The following C17orf99 variants were observed in gnomAD, a reference collection of about 807,000 sequenced individuals.
C17orf99 encodes chromosome 17 open reading frame 99, also known as protein IL-40.
C17orf99 carries 18 observed loss-of-function variants against 22.6 expected under a neutral mutation model. That is an observed-to-expected ratio of 0.80 (90% confidence interval 0.55 to 1.18). The LOEUF (loss-of-function observed/expected upper bound fraction) is 1.18. C17orf99 is among the 50% of genes most tolerant of loss of function. The pLI is 0.00. For synonymous variants in C17orf99, 147 were observed against 136.6 expected (o/e 1.08, Z -0.53); for missense variants, 328 against 342.7 (o/e 0.96, Z 0.34).
At chr17:78,163,703 AAAAAATAC>A (rs1231533298) in intron 3 of C17orf99, among the ~76,000 whole-genome samples, 1 of 152,036 alleles carries the variant, frequency 6.6e-6, no homozygotes, top group Non-Finnish European at 1.5e-5. Flanking sequence ...CCATCTCTGC[AAAAAATAC>A]AAAAATTAGC....
At chr17:78,163,823 G>A (rs1351814397) in intron 3 of C17orf99, among the ~76,000 whole-genome samples, 27 of 152,216 alleles carry the variant, frequency 1.8e-4, no homozygotes, top group Non-Finnish European at 2.5e-4. Flanking sequence ...CCTAGATCGC[G>A]CCATTGCACT....
intron 2 of C17orf99, among the ~76,000 whole-genome samples, chr17:78,149,991 G>C (rs1413976816): frequency 1.3e-5 from 2 of 150,922 alleles, no homozygotes; most frequent in East Asian, 3.9e-4. Context: ...TTACAGGCGA[G>C]AGCCACCACG....
intron 2 of C17orf99, among the ~76,000 whole-genome samples, chr17:78,159,815 C>T (rs2075558951): frequency 6.6e-6 from 1 of 152,182 alleles, no homozygotes; most frequent in Admixed American, 6.5e-5. Context: ...CACATGGAAT[C>T]ATGCAACCGT....
intron 2 of C17orf99, among the ~76,000 whole-genome samples, chr17:78,151,488 A>G (rs2075483233): frequency 6.6e-6 from 1 of 151,898 alleles, no homozygotes; most frequent in Non-Finnish European, 1.5e-5. Context: ...CCAACAAGGA[A>G]GGAAACACAT....
At position 78,146,538 on chromosome 17, in the gene C17orf99, C is replaced by T. The variant is rs2075438689; in HGVS notation, c.37+94C>T. On this transcript the variant is annotated intron_variant, in intron 1 of 4. Transcript: ENST00000340363. This position sits in a 1 kb window ranked among gnomAD's most constrained non-coding sequence, Gnocchi z 5.2. Reference sequence around the variant, plus strand: ...TACTGGGAGCACAGGAGAGATGAGGCCTGAAGGAAGGGCACCTCTGGAAAC... The same window carrying T: ...TACTGGGAGCACAGGAGAGATGAGGTCTGAAGGAAGGGCACCTCTGGAAAC... 1.5e-5 allele frequency: 17 copies of T among 1,169,536 alleles called. No homozygotes were observed. In the South Asian group the frequency reaches 2.0e-4, roughly 14 times the overall value. The allele number at this position is 1,169,536 out of a possible 1,614,324, so 72.4% of individuals were successfully genotyped here.
chr17:78,166,013 G>A lies in C17orf99; in HGVS notation c.765G>A (p.Gly255=), dbSNP rs770915682. ...TTGGGGGGTTCAGGATAGGGAATGG[G>A]GAGGTCAGAGGACGCAAAGCAGCAG... ...EEFGGFRIGN[G]EVRGRKAAAM Residue 255 remains glycine (G), a synonymous_variant, in exon 5 of 5, where the codon GGG becomes GGA. Transcript: ENST00000340363. The A allele has an allele frequency of 4.2e-6, 6 of 1,445,614 alleles. No individual in the cohort carries two copies. The highest frequency in any genetic ancestry group is 2.3e-5 in the Admixed American group (1 of 42,958). The allele number at this position is 1,445,614 out of a possible 1,614,324, so 89.5% of individuals were successfully genotyped here. A position where few individuals can be genotyped will look rare whatever the true frequency, so the allele number is the denominator to read the frequency against.
At chr17:78,161,699 C>T (rs553703908) in intron 3 of C17orf99, among the ~76,000 whole-genome samples, 1 of 152,128 alleles carries the variant, frequency 6.6e-6, no homozygotes, top group East Asian at 1.9e-4. Flanking sequence ...CAAAGATTAG[C>T]TGGGCGTGGC....
In C17orf99 at chr17:78,161,013, C is replaced by T. The variant is rs1336004690; in HGVS notation, c.129C>T (p.Arg43=). The T allele has an allele frequency of 6.4e-7, 1 of 1,551,562 alleles. No homozygotes were observed. Among genetic ancestry groups the T allele is most frequent in the Non-Finnish European group, 8.7e-7 (1 of 1,146,980 alleles). Reference sequence around the variant, plus strand: ...TCCTGGAAGTTTTCCCCAAAGGCCGCTGGGTGCTCATAACCTGCTGTGCAC... The same window carrying T: ...TCCTGGAAGTTTTCCCCAAAGGCCGTTGGGTGCTCATAACCTGCTGTGCAC... ...YKVLEVFPKG[R]WVLITCCAPQ... Residue 43 remains arginine, a synonymous_variant, in exon 3 of 5, where the codon CGC becomes CGT. Coordinates refer to ENST00000340363, the MANE Select transcript of C17orf99 (RefSeq NM_001163075.2).
At position 78,161,251 on chromosome 17, in the gene C17orf99, T is replaced by G; in HGVS notation, c.367T>G (p.Ser123Ala). Residue 123 changes from serine (S) to alanine (A), a missense_variant, in exon 3 of 5, where the codon TCC becomes GCC. Ser to Ala is a moderately conservative substitution (Grantham distance 99, BLOSUM62 1). Coordinates refer to ENST00000340363, the MANE Select transcript of C17orf99 (RefSeq NM_001163075.2). ...GCTACAGATGCACTGGGAGCTGTGG[T>G]CCAGTGAGTGCGGTGGGGGGCACAG... is the stretch of plus-strand genomic sequence containing the variant. ...ARLQMHWELW[S>A]KPVSELRANF... 1 of 1,551,268 alleles carries G rather than the reference T, an allele frequency of 6.4e-7. No homozygotes were observed. The highest frequency in any genetic ancestry group is 8.7e-7 in the Non-Finnish European group (1 of 1,146,586).
In C17orf99 at chr17:78,157,876, T is replaced by A. The variant is rs549953385; in HGVS notation, c.71-3079T>A. On this transcript the variant is annotated intron_variant, in intron 2 of 4. Coordinates refer to ENST00000340363, the MANE Select transcript of C17orf99 (RefSeq NM_001163075.2). The stretch of plus-strand genomic sequence containing the variant: ...GGCCACGTAAGATCGTCGAGATGTC[T>A]ACTTCGATGACTGGCAAGCACGGCC... 1.3e-4 allele frequency: 141 copies of A among 1,095,674 alleles called. No individual in the cohort carries two copies. The African/African-American group carries it at 1.7e-3, about 13-fold the overall frequency. The allele number at this position is 1,095,674 out of a possible 1,614,324, so 67.9% of individuals were successfully genotyped here.
chr17:78,160,226 A>G (rs184337316), intron 2 of C17orf99: 121 of 432,056 alleles, frequency 2.8e-4, no homozygotes, highest in African/African-American at 2.2e-3. Context: ...TCAGGGGTAC[A>G]TGTGCAGGTT....
chr17:78,146,994 C>G lies in C17orf99; in HGVS notation c.70+83C>G. 8.0e-7 allele frequency: 1 copy of G among 1,251,674 alleles called. No homozygotes were observed. The highest frequency in any genetic ancestry group is 1.1e-6 in the Non-Finnish European group (1 of 874,556). The allele number at this position is 1,251,674 out of a possible 1,614,324, so 77.5% of individuals were successfully genotyped here. On this transcript the variant is annotated intron_variant, in intron 2 of 4. Transcript: ENST00000340363. The surrounding 1 kb of genome is among the most constrained non-coding windows in gnomAD (Gnocchi z 5.2). ...ACCCCCATGGTGGAGGGCGCCTCGG[C>G]TGGGAAGGGAGTTACTAGTGGGGAG...
intron 3 of C17orf99, among the ~76,000 whole-genome samples, chr17:78,163,431 A>C (rs897345085): frequency 2.6e-5 from 4 of 152,252 alleles, no homozygotes; most frequent in African/African-American, 9.6e-5. Context: ...TTCAGTAAAA[A>C]AGACGAGACT....
chr17:78,164,309 C>T lies in C17orf99; in HGVS notation c.585C>T (p.Cys195=). 3 of 1,551,592 alleles carry T rather than the reference C, an allele frequency of 1.9e-6. No individual in the cohort carries two copies. The highest frequency in any genetic ancestry group is 2.6e-6 in the Non-Finnish European group (3 of 1,146,998). Reference sequence around the variant, plus strand: ...GCCAGACATCGGACTGGTTCTGGTGCCAGGCTGCAAACAACGCCAATGTCC... The same window carrying T: ...GCCAGACATCGGACTGGTTCTGGTGTCAGGCTGCAAACAACGCCAATGTCC... The part of the protein sequence containing the change: ...LPSQTSDWFW[C]QAANNANVQH... The change falls in exon 4 of 5, where the codon TGC becomes TGT. Residue 195 remains cysteine (C), a synonymous_variant. Transcript: ENST00000340363.
At chr17:78,155,394 G>A (rs974823275) in intron 2 of C17orf99, among the ~76,000 whole-genome samples, 4 of 152,040 alleles carry the variant, frequency 2.6e-5, no homozygotes, top group East Asian at 1.9e-4. Flanking sequence ...AATTCATGAC[G>A]TCGATGATAT....
intron 2 of C17orf99, among the ~76,000 whole-genome samples, chr17:78,149,939 G>A (rs535113848): frequency 4.0e-5 from 6 of 151,850 alleles, no homozygotes; most frequent in African/African-American, 7.3e-5. Flanking sequence ...TTGATCGCTT[G>A]ACCTCGTGAT....
intron 2 of C17orf99, 40 bp from the exon 3 acceptor site, chr17:78,160,915 T>G (rs1399489925): frequency 2.7e-6 from 4 of 1,499,048 alleles, no homozygotes; most frequent in Non-Finnish European, 3.6e-6. Context: ...TTGATCAATG[T>G]CGGTTTCTTT....
chr17:78,146,657 T>C lies in C17orf99; in HGVS notation c.37+213T>C, dbSNP rs972406773. On this transcript the variant is annotated intron_variant, in intron 1 of 4. Transcript: ENST00000340363. The surrounding 1 kb of genome is among the most constrained non-coding windows in gnomAD (Gnocchi z 5.2). The stretch of plus-strand genomic sequence containing the variant: ...CAGGGATTTCTGCACCATTCTGGGC[T>C]CACTACTTACCCATCTGCGAAATGG... 6.6e-6 allele frequency among the ~76,000 whole-genome samples: 1 copy of C among 152,068 alleles called. No homozygotes were observed. Among genetic ancestry groups the C allele is most frequent in the Admixed American group, 6.5e-5 (1 of 15,272 alleles).
chr17:78,155,121 C>T lies in C17orf99; in HGVS notation c.71-5834C>T, dbSNP rs574974318. Among the ~76,000 whole-genome samples the T allele has an allele frequency of 4.9e-4, 63 of 129,616 alleles. 3 individuals are homozygous for T. The South Asian group carries it at 0.016, about 33-fold the overall frequency. 85.0% of individuals were successfully genotyped at this position (129,616 alleles called of 152,430 possible). A position where few individuals can be genotyped will look rare whatever the true frequency, so the allele number is the denominator to read the frequency against. On this transcript the variant is annotated intron_variant, in intron 2 of 4. Coordinates refer to ENST00000340363, the MANE Select transcript of C17orf99 (RefSeq NM_001163075.2). ...TACCCACTAAATGTCAGCAGCAACCCCTATTTTTTTTTTTTTTTTTTTGTG... is the reference window on the plus strand; with the variant it reads ...TACCCACTAAATGTCAGCAGCAACCTCTATTTTTTTTTTTTTTTTTTTGTG...
Sources: gnomAD v4.1 joint callset for allele counts (sites outside exome capture counted in the v4.1 genomes callset) on GRCh38, gnomAD v4.1.1 for gene constraint, Gnocchi (gnomAD v3.1) non-coding constraint, MANE v1.5 for transcripts, NCBI Gene and HGNC (gene_info 2026-07-23, HGNC 2026-07-21) for gene names.